The following DIP2C variants were observed in gnomAD, a reference collection of about 807,000 sequenced individuals.
DIP2C encodes DIP2 acetate--CoA ligase C (putative), also known as disco-interacting protein 2 homolog C.
In DIP2C, 33 loss-of-function variants were observed where a neutral mutation model predicts 192.4. The ratio of observed to expected loss-of-function variants is 0.17; its 90% CI spans 0.13 to 0.23. The LOEUF is 0.23. Among genes scored for constraint, DIP2C ranks in the 10% least tolerant of loss-of-function variants. DIP2C has a pLI of 1.00. For synonymous variants in DIP2C, 979 were observed against 864.1 expected (o/e 1.13, Z -2.33); for missense variants, 1,537 against 2,110.1 (o/e 0.73, Z 5.32).
In DIP2C at chr10:348,750, A is replaced by C; in HGVS notation, c.3122T>G (p.Ile1041Arg). 1 of 1,613,660 alleles carries C rather than the reference A, an allele frequency of 6.2e-7. No homozygotes were observed. Among genetic ancestry groups the C allele is most frequent in the Non-Finnish European group, 8.5e-7 (1 of 1,179,874 alleles). ...ALVYPPGIDL[I>R]AAFYGCLYAG... is the part of the protein sequence containing the mutation. The stretch of plus-strand genomic sequence containing the variant: ...GTACAGGCAACCATAAAACGCTGCT[A>C]TCAGGTCTATTCCTACACAAGGAGA... The change falls in exon 26 of 37, where the codon ATA (isoleucine) becomes AGA (arginine). Residue 1041 changes from isoleucine (I) to arginine (R), a missense_variant. Physicochemically the swap from Ile to Arg is moderately conservative, Grantham distance 97. Transcript: ENST00000280886.
intron 31 of DIP2C, among the ~76,000 whole-genome samples, chr10:326,551 T>TA (rs575098883): frequency 2.0e-5 from 3 of 152,234 alleles, no homozygotes; most frequent in Non-Finnish European, 4.4e-5. Context: ...CTGCTTCACT[T>TA]ACGCCTGTTT....
chr10:530,210 T>G (rs909335745), intron 1 of DIP2C, among the ~76,000 whole-genome samples: 2 of 152,126 alleles, frequency 1.3e-5, no homozygotes, highest in African/African-American at 4.8e-5. Flanking sequence ...GATCAAAGGG[T>G]GTCAGCAACT....
At chr10:594,075 GCA>G (rs1293828871) in intron 1 of DIP2C, among the ~76,000 whole-genome samples, 2 of 152,216 alleles carry the variant, frequency 1.3e-5, no homozygotes, top group South Asian at 2.1e-4. Flanking sequence ...GAGCAGCCGT[GCA>G]CAGATCCTCA....
chr10:588,385 C>T (rs1851208332), intron 1 of DIP2C, among the ~76,000 whole-genome samples: 1 of 152,246 alleles, frequency 6.6e-6, no homozygotes, highest in Non-Finnish European at 1.5e-5. Context: ...ATCTTGTCAT[C>T]AACTGTCTTG....
chr10:348,834 A>T (rs138314338), intron 25 of DIP2C, 72 bp from the exon 26 acceptor site: 3 of 1,573,918 alleles, frequency 1.9e-6, no homozygotes, highest in Non-Finnish European at 2.6e-6. Flanking sequence ...TGTCAGCATC[A>T]ATGCTTGTCT....
intron 34 of DIP2C, among the ~76,000 whole-genome samples, chr10:285,539 CCAG>C (rs1480426652): frequency 3.9e-5 from 6 of 152,220 alleles, no homozygotes; most frequent in Non-Finnish European, 5.9e-5. Flanking sequence ...ATGCTCTTCT[CCAG>C]TGCCCTCTGC....
chr10:473,587 T>TA (rs953353169), intron 2 of DIP2C, among the ~76,000 whole-genome samples: 4 of 151,956 alleles, frequency 2.6e-5, no homozygotes, highest in African/African-American at 9.7e-5. Context: ...ACGGCTCTGA[T>TA]ACCACAGAAA....
intron 10 of DIP2C, among the ~76,000 whole-genome samples, chr10:391,913 C>CT (rs1368878083): frequency 6.6e-6 from 1 of 152,184 alleles, no homozygotes; most frequent in Non-Finnish European, 1.5e-5. Context: ...GCTGTAGTCT[C>CT]TTAAGTGTTT....
intron 1 of DIP2C, among the ~76,000 whole-genome samples, chr10:571,409 T>C (rs534212142): frequency 6.6e-6 from 1 of 152,202 alleles, no homozygotes; most frequent in African/African-American, 2.4e-5. Flanking sequence ...GGGAACCGGC[T>C]CCGGGGCTCA....
At chr10:320,508 CAAA>C (rs71505870) in intron 31 of DIP2C, among the ~76,000 whole-genome samples, 2 of 106,710 alleles carry the variant, frequency 1.9e-5, no homozygotes, top group Non-Finnish European at 2.0e-5. Flanking sequence ...GACTCCGTCT[CAAA>C]AAAAAAAAAA....
intron 1 of DIP2C, among the ~76,000 whole-genome samples, chr10:526,683 C>T (rs1847074747): frequency 1.3e-5 from 2 of 152,210 alleles, no homozygotes; most frequent in South Asian, 2.1e-4. Context: ...GATCTAAGGA[C>T]TCGTCCACAC....
At chr10:497,796 T>G (rs1009587470) in intron 1 of DIP2C, among the ~76,000 whole-genome samples, 7 of 152,060 alleles carry the variant, frequency 4.6e-5, no homozygotes, top group African/African-American at 1.7e-4. Flanking sequence ...ACATTTGGAG[T>G]TGAAATGCAA....
At chr10:333,004 G>C (rs1957571209) in intron 29 of DIP2C, among the ~76,000 whole-genome samples, 1 of 152,262 alleles carries the variant, frequency 6.6e-6, no homozygotes, top group Non-Finnish European at 1.5e-5. Context: ...CTGGGTTCAA[G>C]TGATTCTCCT....
intron 1 of DIP2C, among the ~76,000 whole-genome samples, chr10:590,953 C>T (rs1023969949): frequency 1.3e-5 from 2 of 152,164 alleles, no homozygotes; most frequent in African/African-American, 2.4e-5. Flanking sequence ...TGTCCCCCAC[C>T]AGGTTCTTCT....
intron 1 of DIP2C, among the ~76,000 whole-genome samples, chr10:576,904 C>T (rs1429958413): frequency 1.3e-5 from 2 of 151,390 alleles, no homozygotes; most frequent in South Asian, 2.1e-4. Flanking sequence ...GGTGACAGAG[C>T]AAGATTCTGT....
intron 11 of DIP2C, 126 bp downstream of exon 11, chr10:390,614 C>G: frequency 1.4e-6 from 2 of 1,476,160 alleles, no homozygotes; most frequent in South Asian, 2.7e-5. Flanking sequence ...CGCGTGAAAA[C>G]TCGTGGGTCT....
chr10:523,307 G>A (rs529055816), intron 1 of DIP2C, among the ~76,000 whole-genome samples: 251 of 149,002 alleles, frequency 1.7e-3, no homozygotes, highest in African/African-American at 6.2e-3. Flanking sequence ...CAGGGACTCT[G>A]TGTGACCCAC....
intron 1 of DIP2C, among the ~76,000 whole-genome samples, chr10:563,550 C>A (rs1248538800): frequency 6.6e-6 from 1 of 152,096 alleles, no homozygotes; most frequent in African/African-American, 2.4e-5. Flanking sequence ...ATTTCCAACT[C>A]GCAGGAAAGC....
intron 1 of DIP2C, among the ~76,000 whole-genome samples, chr10:585,015 C>G (rs1277732897): frequency 6.6e-6 from 1 of 151,454 alleles, no homozygotes; most frequent in African/African-American, 2.4e-5. Context: ...GGCCCGCAAC[C>G]TGGCCCCCAC....
Sources: gnomAD v4.1 joint callset for allele counts (sites outside exome capture counted in the v4.1 genomes callset) on GRCh38, gnomAD v4.1.1 for gene constraint, MANE v1.5 for transcripts, NCBI Gene and HGNC (gene_info 2026-07-23, HGNC 2026-07-21) for gene names.